Variants in PDE4D observed in about 807,000 individuals in gnomAD.
PDE4D encodes the protein 3',5'-cyclic-AMP phosphodiesterase 4D.
A neutral mutation model predicts 87.4 loss-of-function variants in PDE4D; 24 were observed. The ratio of observed to expected loss-of-function variants is 0.27; its 90% CI spans 0.20 to 0.39. PDE4D has a LOEUF of 0.39. Ranked by LOEUF, PDE4D falls within the 10% of genes least tolerant of loss-of-function variation. The pLI is 1.00. For missense variants in PDE4D, 714 were observed against 1,041.0 expected (o/e 0.69, Z 4.32); for synonymous variants, 384 against 383.2 (o/e 1.00, Z -0.02).
chr5:59,581,621 A>G (rs543915871), intron 1 of PDE4D, among the ~76,000 whole-genome samples: 1 of 152,338 alleles, frequency 6.6e-6, no homozygotes, highest in South Asian at 2.1e-4. Context: ...AAAGGCTGCT[A>G]GGACTAAAGA....
intron 2 of PDE4D, among the ~76,000 whole-genome samples, chr5:60,156,718 C>T (rs963071254): frequency 1.3e-5 from 2 of 152,140 alleles, no homozygotes; most frequent in Admixed American, 6.5e-5. Flanking sequence ...AATATTTTGG[C>T]ACAATTTCTA....
intron 1 of PDE4D, among the ~76,000 whole-genome samples, chr5:59,300,840 A>C (rs1286316989): frequency 6.6e-6 from 1 of 152,156 alleles, no homozygotes; most frequent in Non-Finnish European, 1.5e-5. Flanking sequence ...GGAGCTTCTA[A>C]CCGGCCACCT....
chr5:59,217,377 T>C, intron 1 of PDE4D: 1 of 427,618 alleles, frequency 2.3e-6, no homozygotes, highest in Non-Finnish European at 4.6e-6. Flanking sequence ...TTTATTTTCT[T>C]TATCGGAGTC....
At chr5:60,356,145 G>A (rs1278900119) in intron 1 of PDE4D, among the ~76,000 whole-genome samples, 3 of 152,250 alleles carry the variant, frequency 2.0e-5, no homozygotes, top group East Asian at 1.9e-4. Flanking sequence ...CCCCAGAGCC[G>A]CGTGTCAGTC....
At chr5:59,797,984 C>T (rs1456554690) in intron 1 of PDE4D, among the ~76,000 whole-genome samples, 1 of 151,928 alleles carries the variant, frequency 6.6e-6, no homozygotes, top group African/African-American at 2.4e-5. Context: ...ACTTGTAATC[C>T]CAGCACTTTG....
chr5:59,740,800 T>G (rs1758727473), intron 1 of PDE4D, among the ~76,000 whole-genome samples: 1 of 152,182 alleles, frequency 6.6e-6, no homozygotes, highest in South Asian at 2.1e-4. Flanking sequence ...ACTGAGCCTA[T>G]GAGGATTTAA....
intron 1 of PDE4D, chr5:59,275,534 T>G: frequency 6.9e-7 from 1 of 1,459,118 alleles, no homozygotes; most frequent in Non-Finnish European, 9.0e-7. Flanking sequence ...CCAATTTTCC[T>G]GGAGTCCATC....
intron 2 of PDE4D, among the ~76,000 whole-genome samples, chr5:59,214,038 A>T (rs904085887): frequency 2.6e-4 from 26 of 101,088 alleles, no homozygotes; most frequent in Non-Finnish European, 4.1e-4. Context: ...TACTTCACAC[A>T]CACACACACA....
chr5:60,194,952 A>T (rs1024059218), intron 1 of PDE4D, among the ~76,000 whole-genome samples: 12 of 151,648 alleles, frequency 7.9e-5, no homozygotes, highest in Admixed American at 7.2e-4. Flanking sequence ...TGTTTGCAGT[A>T]TCATCCCTTG....
intron 5 of PDE4D, among the ~76,000 whole-genome samples, chr5:59,061,636 C>A (rs963483801): frequency 1.3e-5 from 2 of 152,102 alleles, no homozygotes; most frequent in African/African-American, 4.8e-5. Context: ...CTTACAGAGA[C>A]TCTTCCTGTC....
At chr5:59,520,301 G>A (rs935782502) in intron 1 of PDE4D, among the ~76,000 whole-genome samples, 24 of 152,280 alleles carry the variant, frequency 1.6e-4, no homozygotes, top group African/African-American at 5.1e-4. Flanking sequence ...GACCATTTAT[G>A]GGGATGGGGC....
chr5:59,563,475 T>C (rs1311989989), intron 1 of PDE4D, among the ~76,000 whole-genome samples: 1 of 152,152 alleles, frequency 6.6e-6, no homozygotes, highest in African/African-American at 2.4e-5. Flanking sequence ...ATCACCTGGG[T>C]GGAAAGGACC....
At chr5:59,142,797 G>A (rs1778084884) in intron 5 of PDE4D, among the ~76,000 whole-genome samples, 1 of 152,096 alleles carries the variant, frequency 6.6e-6, no homozygotes, top group Admixed American at 6.5e-5. Flanking sequence ...CACGCCTGTA[G>A]TCCCAGCTAC....
chr5:59,861,168 G>A (rs1420678088), intron 1 of PDE4D, among the ~76,000 whole-genome samples: 1 of 152,096 alleles, frequency 6.6e-6, no homozygotes, highest in African/African-American at 2.4e-5. Flanking sequence ...ACTGCGCCCG[G>A]CCCAAACTTT....
At chr5:60,302,616 G>A (rs1276454722) in intron 1 of PDE4D, among the ~76,000 whole-genome samples, 1 of 151,984 alleles carries the variant, frequency 6.6e-6, no homozygotes, top group South Asian at 2.1e-4. Flanking sequence ...CAAAACACCA[G>A]CTCCTGGATT....
intron 1 of PDE4D, among the ~76,000 whole-genome samples, chr5:59,508,954 C>A (rs1401729139): frequency 6.6e-6 from 1 of 151,788 alleles, no homozygotes; most frequent in Non-Finnish European, 1.5e-5. Flanking sequence ...GTGGGGCCAA[C>A]ATAAGTCTTA....
At chr5:59,404,534 C>T (rs901882070) in intron 1 of PDE4D, among the ~76,000 whole-genome samples, 11 of 152,026 alleles carry the variant, frequency 7.2e-5, no homozygotes, top group Admixed American at 7.2e-4. Context: ...TGGTGTGCAC[C>T]TATAGTCCCA....
rs549977244 is a variant in PDE4D, at chr5:59,814,049, C to T, written c.455+79119G>A. ...GGAAGACGAGATAATTTAGCGATTG[C>T]GCTTAGAAAAATAAGTAAATAAATA... On this transcript the variant is annotated intron_variant, in intron 1 of 14. Transcript: ENST00000340635. Among the ~76,000 whole-genome samples, 3 of 152,236 alleles carry T rather than the reference C, an allele frequency of 2.0e-5. No individual in the cohort carries two copies. The South Asian group carries it at 6.2e-4, about 32-fold the overall frequency.
At chr5:59,104,011 T>A (rs1771170374) in intron 5 of PDE4D, among the ~76,000 whole-genome samples, 1 of 151,894 alleles carries the variant, frequency 6.6e-6, no homozygotes, top group South Asian at 2.1e-4. Context: ...TTTATAGTGA[T>A]AATCGAATTA....
Sources: allele counts gnomAD v4.1 joint callset (sites outside exome capture counted in the v4.1 genomes callset), GRCh38; gene constraint gnomAD v4.1.1; transcripts MANE v1.5; gene names NCBI Gene and HGNC (gene_info 2026-07-23, HGNC 2026-07-21).